Variants in ARHGAP24 observed in about 807,000 individuals in gnomAD.
The protein encoded by ARHGAP24 is Rho GTPase activating protein 24, also known as rho GTPase-activating protein 24.
ARHGAP24 carries 50 observed loss-of-function variants against 76.4 expected under a neutral mutation model. The ratio of observed to expected loss-of-function variants is 0.65; its 90% CI spans 0.52 to 0.83. The LOEUF is 0.83. Among genes scored for constraint, ARHGAP24 ranks in the 40% least tolerant of loss-of-function variants. The probability of loss-of-function intolerance (pLI) is 0.00; values close to 1 mark genes in which losing one functional copy is unlikely to be tolerated. For missense variants in ARHGAP24, 930 were observed against 914.2 expected, an observed-to-expected ratio of 1.02 and a Z score of -0.22; for synonymous variants, 345 against 323.3, an observed-to-expected ratio of 1.07 and a Z score of -0.72.
intron 2 of ARHGAP24, among the ~76,000 whole-genome samples, chr4:85,650,277 C>G (rs77481781): frequency 0.028 from 4,150 of 149,370 alleles, 729 homozygotes; most frequent in African/African-American, 0.1. Flanking sequence ...GAAAAAAAGT[C>G]CAACAATTTT....
chr4:85,529,837 C>T (rs532101888), intron 1 of ARHGAP24, among the ~76,000 whole-genome samples: 2 of 152,090 alleles, frequency 1.3e-5, no homozygotes, highest in East Asian at 3.9e-4. Context: ...CCTGATGTGA[C>T]ATCTGGTTGA....
intron 3 of ARHGAP24, among the ~76,000 whole-genome samples, chr4:85,865,984 C>T (rs1202142644): frequency 6.6e-6 from 1 of 152,038 alleles, no homozygotes; most frequent in African/African-American, 2.4e-5. Context: ...CTGGAAATAC[C>T]TATTTTGCAA....
intron 2 of ARHGAP24, among the ~76,000 whole-genome samples, chr4:85,720,140 G>A (rs1417851845): frequency 6.6e-6 from 1 of 152,034 alleles, no homozygotes; most frequent in East Asian, 1.9e-4. Context: ...GGGAGGGATA[G>A]CATTAGGAGA....
chr4:85,848,314 C>G (rs1383192607), intron 3 of ARHGAP24, among the ~76,000 whole-genome samples: 3 of 152,106 alleles, frequency 2.0e-5, no homozygotes, highest in Non-Finnish European at 4.4e-5. Flanking sequence ...GGTATTTCTC[C>G]TAATGCTATC....
intron 2 of ARHGAP24, among the ~76,000 whole-genome samples, chr4:85,633,761 G>GTATAGCTCTTACTTGCTTCCTGAAA (rs1456614999): frequency 7.2e-5 from 11 of 151,764 alleles, no homozygotes; most frequent in Admixed American, 7.2e-4. Flanking sequence ...TTTAGGGCAG[G>GTATAGCTCTTACTTGCTTCCTGAAA]TATAGCTCTT....
intron 1 of ARHGAP24, among the ~76,000 whole-genome samples, chr4:85,501,579 T>C (rs569477902): frequency 6.6e-6 from 1 of 152,342 alleles, no homozygotes; most frequent in African/African-American, 2.4e-5. Context: ...GTTGTTTTTT[T>C]CTTGTGAATT....
intron 2 of ARHGAP24, among the ~76,000 whole-genome samples, chr4:85,713,052 C>G (rs1053612760): frequency 6.6e-6 from 1 of 152,088 alleles, no homozygotes. Flanking sequence ...AATCCCAGCA[C>G]GTGAAGAGTC....
chr4:85,641,161 A>G (rs1038829243), intron 2 of ARHGAP24, among the ~76,000 whole-genome samples: 1 of 152,124 alleles, frequency 6.6e-6, no homozygotes, highest in Non-Finnish European at 1.5e-5. Flanking sequence ...CAGTAGAACA[A>G]TTATAGCTCA....
intron 3 of ARHGAP24, among the ~76,000 whole-genome samples, chr4:85,841,635 CA>C (rs1324875306): frequency 3.3e-5 from 5 of 152,112 alleles, no homozygotes; most frequent in South Asian, 2.1e-4. Flanking sequence ...TGACTTTGTA[CA>C]AAGGTGTCCA....
chr4:85,991,079 G>GA (rs1039918189), intron 8 of ARHGAP24: 2 of 151,824 alleles, frequency 1.3e-5, no homozygotes, highest in Non-Finnish European at 2.9e-5. Context: ...AAAAAGTGGC[G>GA]AAAGATTTGA....
At chr4:85,719,957 A>ATC in intron 2 of ARHGAP24, among the ~76,000 whole-genome samples, 2 of 152,106 alleles carry the variant, frequency 1.3e-5, no homozygotes, top group African/African-American at 4.8e-5. Context: ...CATTTATAGA[A>ATC]GGGTAGTTGC....
intron 2 of ARHGAP24, among the ~76,000 whole-genome samples, chr4:85,607,920 G>A (rs900907553): frequency 2.0e-5 from 3 of 151,746 alleles, no homozygotes; most frequent in African/African-American, 7.3e-5. Context: ...GCAGACCAAC[G>A]AAAATCTCTG....
chr4:85,551,413 T>G (rs913699734), intron 1 of ARHGAP24, among the ~76,000 whole-genome samples: 3 of 152,240 alleles, frequency 2.0e-5, no homozygotes, highest in Non-Finnish European at 4.4e-5. Flanking sequence ...TTCAGTGTGC[T>G]CCTGGATTCA....
intron 1 of ARHGAP24, among the ~76,000 whole-genome samples, chr4:85,569,955 A>T (rs887501775): frequency 6.6e-6 from 1 of 152,218 alleles, no homozygotes; most frequent in African/African-American, 2.4e-5. Flanking sequence ...CATAATCTTG[A>T]GAGTTATGTT....
At chr4:85,938,365 G>C (rs1346292133) in intron 4 of ARHGAP24, among the ~76,000 whole-genome samples, 1 of 152,194 alleles carries the variant, frequency 6.6e-6, no homozygotes, top group African/African-American at 2.4e-5. Flanking sequence ...ATTGTAAATA[G>C]TGTGTCTTTT....
chr4:85,914,825 A>G (rs938542557), intron 3 of ARHGAP24, among the ~76,000 whole-genome samples: 4 of 152,138 alleles, frequency 2.6e-5, no homozygotes, highest in Non-Finnish European at 4.4e-5. Context: ...CCTGTTGTGG[A>G]TTATTGCACC....
intron 8 of ARHGAP24, among the ~76,000 whole-genome samples, chr4:85,981,682 T>G (rs1445583902): frequency 1.3e-5 from 2 of 152,144 alleles, no homozygotes. Flanking sequence ...TTCATTTCTG[T>G]TCTCCTAGTC....
At chr4:85,693,619 A>G (rs1723754371) in intron 2 of ARHGAP24, among the ~76,000 whole-genome samples, 1 of 152,186 alleles carries the variant, frequency 6.6e-6, no homozygotes, top group Non-Finnish European at 1.5e-5. Flanking sequence ...CACTAGAAAC[A>G]TACTCAGGTG....
chr4:85,993,606 G>A (rs1380799944), intron 8 of ARHGAP24, among the ~76,000 whole-genome samples: 2 of 152,150 alleles, frequency 1.3e-5, no homozygotes, highest in Non-Finnish European at 2.9e-5. Flanking sequence ...AGCTGCTGTT[G>A]TAATGAAATT....
Sources: allele counts gnomAD v4.1 joint callset (sites outside exome capture counted in the v4.1 genomes callset), GRCh38; gene constraint gnomAD v4.1.1; transcripts MANE v1.5; gene names NCBI Gene and HGNC (gene_info 2026-07-23, HGNC 2026-07-21).